Variants in DPPA2 observed in about 807,000 individuals in gnomAD.
DPPA2 encodes the protein developmental pluripotency-associated protein 2.
In DPPA2, 26 loss-of-function variants were observed where a neutral mutation model predicts 36.2. That is an observed-to-expected ratio of 0.72 (90% CI 0.53 to 1.00). The LOEUF (loss-of-function observed/expected upper bound fraction) is 1.00, where lower values mean the gene tolerates loss of function less well. Among genes scored for constraint, DPPA2 ranks in the 50% least tolerant of loss-of-function variants. DPPA2 has a pLI of 0.00. For synonymous variants in DPPA2, 113 were observed against 123.2 expected (o/e 0.92, Z 0.55); for missense variants, 361 against 365.1 (o/e 0.99, Z 0.09).
chr3:109,313,098 A>C (rs1044934446), intron 2 of DPPA2, among the ~76,000 whole-genome samples: 1 of 152,214 alleles, frequency 6.6e-6, no homozygotes, highest in Non-Finnish European at 1.5e-5. Flanking sequence ...CAAATTTCAC[A>C]GCACAAGCAA....
intron 1 of DPPA2, among the ~76,000 whole-genome samples, chr3:109,315,003 T>C (rs9856987): frequency 0.48 from 72,600 of 151,916 alleles, 17,910 homozygotes; most frequent in East Asian, 0.71. Flanking sequence ...GAGGCGCAGG[T>C]TACAGCGATC....
intron 3 of DPPA2, among the ~76,000 whole-genome samples, chr3:109,310,015 G>A (rs1285146806): frequency 6.6e-6 from 1 of 151,564 alleles, no homozygotes; most frequent in African/African-American, 2.4e-5. Context: ...GATCACCTGG[G>A]AGTTTGAGAC....
At chr3:109,310,731 C>T (rs1055985224) in intron 3 of DPPA2, among the ~76,000 whole-genome samples, 1 of 151,888 alleles carries the variant, frequency 6.6e-6, no homozygotes, top group South Asian at 2.1e-4. Context: ...GTCTCGAACG[C>T]CTGACCTTGT....
At chr3:109,305,219 T>C (rs193165081) in intron 6 of DPPA2, among the ~76,000 whole-genome samples, 1 of 152,254 alleles carries the variant, frequency 6.6e-6, no homozygotes, top group African/African-American at 2.4e-5. Context: ...GAAATGCTTG[T>C]TTTGTGTCCA....
chr3:109,307,530 GA>G (rs1455316964), intron 6 of DPPA2, among the ~76,000 whole-genome samples: 1 of 150,118 alleles, frequency 6.7e-6, no homozygotes, highest in Non-Finnish European at 1.5e-5. Flanking sequence ...TTGAAACTGG[GA>G]GGCAGAGGTT....
intron 1 of DPPA2, among the ~76,000 whole-genome samples, chr3:109,315,826 C>T (rs1258962125): frequency 6.6e-6 from 1 of 151,398 alleles, no homozygotes; most frequent in African/African-American, 2.4e-5. Flanking sequence ...TCCAGAAGTT[C>T]GAGACCAGCC....
intron 8 of DPPA2, 108 bp from the exon 9 acceptor site, chr3:109,294,112 G>A (rs1308111414): frequency 6.6e-6 from 1 of 152,096 alleles, no homozygotes; most frequent in Non-Finnish European, 1.5e-5. Flanking sequence ...GAAAAGAAAT[G>A]GAACAAACGT....
chr3:109,310,051 T>A (rs1420877133), intron 3 of DPPA2, among the ~76,000 whole-genome samples: 1 of 151,062 alleles, frequency 6.6e-6, no homozygotes, highest in Non-Finnish European at 1.5e-5. Flanking sequence ...GGAGGAACCC[T>A]GTCTCTACTA....
intron 7 of DPPA2, 26 bp downstream of exon 7, chr3:109,304,449 T>C (rs1707512132): frequency 6.3e-7 from 1 of 1,576,648 alleles, no homozygotes; most frequent in Non-Finnish European, 8.6e-7. Flanking sequence ...CTGTGTGCCA[T>C]GCTTAACAAG....
intron 8 of DPPA2, 61 bp downstream of exon 8, chr3:109,300,310 T>C (rs564924559): frequency 5.0e-6 from 7 of 1,403,314 alleles, no homozygotes; most frequent in South Asian, 3.5e-5. Context: ...ATGTGACTCT[T>C]TTCAATTGCC....
In DPPA2 at chr3:109,314,028, C is replaced by T. The variant is rs145065358; in HGVS notation, c.33+482G>A. Among the ~76,000 whole-genome samples, 15 of 152,220 alleles carry T rather than the reference C, an allele frequency of 9.9e-5. No homozygotes were observed. In the East Asian group the frequency reaches 2.7e-3, roughly 27 times the overall value. On this transcript the variant is annotated intron_variant, in intron 2 of 8. Coordinates refer to ENST00000478945, the MANE Select transcript of DPPA2 (RefSeq NM_138815.4). ...CTTGAAACTCATTTGGTACCAAGGC[C>T]ACTGGGAGTAGATATTTCCTACTCT...
intron 2 of DPPA2, 59 bp downstream of exon 2, chr3:109,314,451 C>T (rs930253310): frequency 7.0e-6 from 11 of 1,573,202 alleles, no homozygotes; most frequent in Admixed American, 3.4e-5. Context: ...ATAAGGGAGA[C>T]CTAGAAAGAC....
intron 5 of DPPA2, 128 bp downstream of exon 5, chr3:109,308,898 A>G (rs1425239129): frequency 4.3e-6 from 5 of 1,162,252 alleles, no homozygotes; most frequent in Admixed American, 4.4e-5. Flanking sequence ...TTGTTCCGAA[A>G]TATCAATAAT....
intron 4 of DPPA2, 22 bp downstream of exon 4, chr3:109,309,148 A>C (rs764168482): frequency 1.9e-6 from 3 of 1,614,032 alleles, no homozygotes; most frequent in Non-Finnish European, 2.5e-6. Flanking sequence ...CCAGCAGCAG[A>C]TATTCACCCA....
intron 6 of DPPA2, among the ~76,000 whole-genome samples, chr3:109,306,627 G>T (rs1707570328): frequency 6.6e-6 from 1 of 151,926 alleles, no homozygotes; most frequent in African/African-American, 2.4e-5. Flanking sequence ...AGCAAGAAAA[G>T]AAGAGCAGGA....
chr3:109,298,466 G>C (rs952354139), intron 8 of DPPA2, among the ~76,000 whole-genome samples: 2 of 151,892 alleles, frequency 1.3e-5, no homozygotes, highest in African/African-American at 4.8e-5. Flanking sequence ...TGTAATCCCA[G>C]CCCTTTGGGA....
intron 7 of DPPA2, among the ~76,000 whole-genome samples, chr3:109,302,374 G>C (rs1707470055): frequency 6.6e-6 from 1 of 152,084 alleles, no homozygotes. Flanking sequence ...TAAATGCTTT[G>C]TCAGTGTAAT....
At position 109,308,067 on chromosome 3, in the gene DPPA2, G is replaced by C. The variant is rs912048926; in HGVS notation, c.623C>G (p.Pro208Arg). 1.9e-6 allele frequency: 3 copies of C among 1,614,234 alleles called. No homozygotes were observed. The highest frequency in any genetic ancestry group is 8.5e-7 in the Non-Finnish European group (1 of 1,180,032). Residue 208 changes from proline to arginine, a missense_variant, in exon 6 of 9, where the codon CCT becomes CGT. Physicochemically the swap from Pro to Arg is moderately radical, Grantham distance 103. Transcript: ENST00000478945. Reference protein sequence around the residue: ...QPKALNSCSIPVSVEAFLMQA... With the variant: ...QPKALNSCSIRVSVEAFLMQA... ...CATCAAAAAGGCCTCAACAGAAACA[G>C]GAATGGAACATGAATTCAAAGCCTT...
At chr3:109,299,686 CAAA>C (rs755862175) in intron 8 of DPPA2, among the ~76,000 whole-genome samples, 2 of 50,414 alleles carry the variant, frequency 4.0e-5, no homozygotes, top group Non-Finnish European at 7.9e-5. Context: ...GACCCCGTCT[CAAA>C]AAAAAAAAAA....
Sources: allele counts gnomAD v4.1 joint callset (sites outside exome capture counted in the v4.1 genomes callset), GRCh38; gene constraint gnomAD v4.1.1; transcripts MANE v1.5; gene names NCBI Gene and HGNC (gene_info 2026-07-23, HGNC 2026-07-21).